The following NSUN7 variants were observed in gnomAD, a reference collection of about 807,000 sequenced individuals.
NSUN7 encodes protein NSUN7.
Under a neutral mutation model 58.5 loss-of-function variants are expected in NSUN7, and 39 were observed. The observed-to-expected ratio is 0.67, with a 90% CI of 0.52 to 0.87. The LOEUF (loss-of-function observed/expected upper bound fraction) is 0.87, where lower values mean the gene tolerates loss of function less well. Ranked by LOEUF, NSUN7 falls within the 40% of genes least tolerant of loss-of-function variation. The probability of loss-of-function intolerance (pLI) is 0.00; values close to 1 mark genes in which losing one functional copy is unlikely to be tolerated. For synonymous variants in NSUN7, 278 were observed against 303.7 expected, an observed-to-expected ratio of 0.92 and a Z score of 0.88; for missense variants, 765 against 844.1, an observed-to-expected ratio of 0.91 and a Z score of 1.16.
chr4:40,805,550 A>T (rs1743777258), intron 10 of NSUN7, among the ~76,000 whole-genome samples: 1 of 152,202 alleles, frequency 6.6e-6, no homozygotes. Flanking sequence ...TCTTCGGGGT[A>T]ACTAACGTGG....
At chr4:40,792,465 A>T (rs937611643) in intron 8 of NSUN7, among the ~76,000 whole-genome samples, 1 of 152,220 alleles carries the variant, frequency 6.6e-6, no homozygotes, top group East Asian at 1.9e-4. Flanking sequence ...AAGTTGTCGT[A>T]TACTGGCCGG....
rs139715619 is a variant in NSUN7 at position 40,753,536 on chromosome 4, G to C, written c.298+2545G>C. 3.5e-3 allele frequency among the ~76,000 whole-genome samples: 537 copies of C among 152,250 alleles called. 5 individuals carry two copies. The highest frequency in any genetic ancestry group is 0.012 in the African/African-American group (512 of 41,538). ...TCCACCTGCCTTGGCCTCCCAAAGT[G>C]CTGTGATCTTTCTTAATGACACAGA... On this transcript the variant is annotated intron_variant, in intron 2 of 11. Transcript: ENST00000381782.
chr4:40,767,715 C>G (rs1741802772), intron 4 of NSUN7, among the ~76,000 whole-genome samples: 1 of 152,170 alleles, frequency 6.6e-6, no homozygotes, highest in African/African-American at 2.4e-5. Flanking sequence ...TCATACAACT[C>G]AAGGACTCAG....
At chr4:40,794,270 C>A in intron 8 of NSUN7, 105 bp from the exon 9 acceptor site, 1 of 504,722 alleles carries the variant, frequency 2.0e-6, no homozygotes, top group Non-Finnish European at 3.5e-6. Flanking sequence ...TTCCATGAAA[C>A]ACTTTTATTG....
chr4:40,792,402 G>A (rs1375275412), intron 8 of NSUN7, among the ~76,000 whole-genome samples: 1 of 152,188 alleles, frequency 6.6e-6, no homozygotes, highest in Non-Finnish European at 1.5e-5. Flanking sequence ...ACATTTCCTA[G>A]GTACTGGTAA....
At chr4:40,766,668 T>TTGTA (rs1458187788) in intron 4 of NSUN7, among the ~76,000 whole-genome samples, 1 of 152,190 alleles carries the variant, frequency 6.6e-6, no homozygotes, top group Non-Finnish European at 1.5e-5. Context: ...TACCAGTTCC[T>TTGTA]CCTTGTACCT....
chr4:40,750,245 C>T lies in NSUN7; in HGVS notation c.-147C>T, dbSNP rs994539058. The T allele has an allele frequency of 1.9e-5, 3 of 158,030 alleles. No individual in the cohort carries two copies. Among genetic ancestry groups the T allele is most frequent in the African/African-American group, 7.2e-5 (3 of 41,530 alleles). The allele number at this position is 158,030 out of a possible 1,614,324, so 9.8% of individuals were successfully genotyped here. A position where few individuals can be genotyped will look rare whatever the true frequency, so the allele number is the denominator to read the frequency against. The stretch of plus-strand genomic sequence containing the variant: ...CCCGGGGCTCCCAAGGGCCTGTGAC[C>T]GACGCCGCCCTCCGCGTCTTCGTCC... On this transcript the variant is annotated 5_prime_UTR_variant, in exon 1 of 12. Coordinates refer to ENST00000381782, the MANE Select transcript of NSUN7 (RefSeq NM_024677.6).
chr4:40,774,906 C>G lies in NSUN7; in HGVS notation c.781C>G (p.Leu261Val), dbSNP rs1560552906. 10 of 1,260,428 alleles carry G rather than the reference C, an allele frequency of 7.9e-6. No homozygotes were observed. Among genetic ancestry groups the G allele is most frequent in the Non-Finnish European group, 9.3e-6 (8 of 862,090 alleles). The allele number at this position is 1,260,428 out of a possible 1,614,324, so 78.1% of individuals were successfully genotyped here. A position where few individuals can be genotyped will look rare whatever the true frequency, so the allele number is the denominator to read the frequency against. ...TTTTCCATCTCATCTTAAAAATGAT[C>G]TTATAAATATAGATCTTTTCAAAGA... ...LIFPSHLKNDLINIDLFKDYK... is the reference protein window; with the variant it reads ...LIFPSHLKNDVINIDLFKDYK... Residue 261 changes from leucine to valine, a missense_variant, in exon 6 of 12, where the codon CTT becomes GTT. Physicochemically the swap from Leu to Val is conservative, Grantham distance 32 (BLOSUM62 1). Coordinates refer to ENST00000381782, the MANE Select transcript of NSUN7 (RefSeq NM_024677.6).
intron 10 of NSUN7, among the ~76,000 whole-genome samples, chr4:40,799,782 T>G (rs1375160058): frequency 2.6e-5 from 4 of 152,186 alleles, no homozygotes; most frequent in African/African-American, 9.7e-5. Context: ...AATTTAGAGT[T>G]GAAAGCAATA....
intron 10 of NSUN7, 133 bp downstream of exon 10, chr4:40,799,037 C>A: frequency 3.6e-5 from 6 of 166,408 alleles, no homozygotes; most frequent in Admixed American, 8.2e-5. Flanking sequence ...TGCCTGACTT[C>A]TTACAAATTT....
chr4:40,770,858 T>C (rs1577556009), intron 4 of NSUN7, among the ~76,000 whole-genome samples: 1 of 152,080 alleles, frequency 6.6e-6, no homozygotes, highest in Non-Finnish European at 1.5e-5. Context: ...CGAGACCATC[T>C]TGGCCAACAT....
chr4:40,761,912 T>G (rs186160826), intron 4 of NSUN7, among the ~76,000 whole-genome samples: 18 of 152,328 alleles, frequency 1.2e-4, no homozygotes, highest in Non-Finnish European at 2.5e-4. Context: ...TAAGTGTTAC[T>G]GTTTGCTATG....
intron 7 of NSUN7, among the ~76,000 whole-genome samples, chr4:40,785,331 G>A (rs1742763511): frequency 6.6e-6 from 1 of 151,798 alleles, no homozygotes; most frequent in Non-Finnish European, 1.5e-5. Flanking sequence ...GGGAAAAAAA[G>A]AAAAAGAAAA....
intron 2 of NSUN7, among the ~76,000 whole-genome samples, chr4:40,755,810 A>G (rs2154286430): frequency 6.6e-6 from 1 of 152,368 alleles, no homozygotes; most frequent in East Asian, 1.9e-4. Flanking sequence ...GTAAAGGTAC[A>G]TAGGGCAGAG....
chr4:40,799,727 A>G (rs560858696), intron 10 of NSUN7, among the ~76,000 whole-genome samples: 1 of 152,270 alleles, frequency 6.6e-6, no homozygotes, highest in East Asian at 1.9e-4. Flanking sequence ...TGCATTACCT[A>G]GGGAATTATA....
At position 40,776,051 on chromosome 4, in the gene NSUN7, C is replaced by T. The variant is rs754758571; in HGVS notation, c.828C>T (p.Asp276=). The change falls in exon 7 of 12, where the codon GAC becomes GAT. Residue 276 remains aspartate (D), a splice_region_variant and synonymous_variant. Coordinates refer to ENST00000381782, the MANE Select transcript of NSUN7 (RefSeq NM_024677.6). ...CTAATCATACCATTATCTTACAGGA[C>T]AAATCTCGAAGTCTTGCTGTCCATT... The part of the protein sequence containing the change: ...LFKDYKLIFQ[D]KSRSLAVHSV... 4.1e-5 allele frequency: 65 copies of T among 1,588,118 alleles called. No homozygotes were observed. Among genetic ancestry groups the T allele is most frequent in the Non-Finnish European group, 5.4e-5 (63 of 1,164,174 alleles).
chr4:40,778,214 G>A (rs1484542598), intron 7 of NSUN7, among the ~76,000 whole-genome samples: 1 of 152,178 alleles, frequency 6.6e-6, no homozygotes, highest in Non-Finnish European at 1.5e-5. Flanking sequence ...TCATGTGTGT[G>A]TGGAATTGCA....
intron 4 of NSUN7, among the ~76,000 whole-genome samples, chr4:40,769,341 A>G (rs1290775097): frequency 6.6e-6 from 1 of 152,202 alleles, no homozygotes; most frequent in Non-Finnish European, 1.5e-5. Flanking sequence ...TCTACTGTAA[A>G]CAACTAGAAA....
intron 4 of NSUN7, among the ~76,000 whole-genome samples, chr4:40,764,247 T>A (rs1377729579): frequency 8.9e-6 from 1 of 112,058 alleles, no homozygotes; most frequent in Non-Finnish European, 1.7e-5. Flanking sequence ...CCCACAACAG[T>A]CCCCAGAGTG....
Sources: gnomAD v4.1 joint callset for allele counts (sites outside exome capture counted in the v4.1 genomes callset) on GRCh38, gnomAD v4.1.1 for gene constraint, MANE v1.5 for transcripts, NCBI Gene and HGNC (gene_info 2026-07-23, HGNC 2026-07-21) for gene names.